DMD: variants seen among roughly 807,000 people sequenced by gnomAD.
DMD encodes dystrophin.
A neutral mutation model predicts 330.1 loss-of-function variants in DMD; 63 were observed. The ratio of observed to expected loss-of-function variants is 0.19; its 90% CI spans 0.16 to 0.24. The LOEUF (loss-of-function observed/expected upper bound fraction) is 0.24. DMD is among the 10% of genes least tolerant of loss of function. The pLI is 1.00. For missense variants in DMD, 3,344 were observed against 2,684.1 expected (o/e 1.25, Z -5.43); for synonymous variants, 1,223 against 959.8 (o/e 1.27, Z -5.07).
chrX:32,118,100 A>G (rs2096618689), intron 44 of DMD, among the ~76,000 whole-genome samples: 2 of 111,781 alleles, frequency 1.8e-5, no homozygotes, highest in Non-Finnish European at 3.8e-5. Flanking sequence ...CCTACATTCA[A>G]AGGTTTCCAA....
At position 31,530,648 on chromosome X, in the gene DMD, T is replaced by C. The variant is rs6631329; in HGVS notation, c.8218-23195A>G. Among the ~76,000 whole-genome samples, 97 of 52,263 alleles carry C rather than the reference T, an allele frequency of 1.9e-3. No individual in the cohort carries two copies. In the East Asian group the frequency reaches 0.04, roughly 22 times the overall value. The allele number at this position is 52,263 out of a possible 115,157, so 45.4% of individuals were successfully genotyped here. ...CTAGATAATAGAGCACTGGTTTCTC[T>C]TTTTTTTTTTTTTTTTTTTTTAATT... On this transcript the variant is annotated intron_variant, in intron 55 of 78. Coordinates refer to ENST00000357033, the MANE Select transcript of DMD (RefSeq NM_004006.3).
intron 3 of DMD, among the ~76,000 whole-genome samples, chrX:32,847,043 AC>A (rs1279561396): frequency 9.0e-6 from 1 of 111,014 alleles, no homozygotes; most frequent in African/African-American, 3.3e-5. Flanking sequence ...ACAGCAAATA[AC>A]CAATCTTCTT....
chrX:31,758,819 T>A (rs2089341513), intron 51 of DMD, among the ~76,000 whole-genome samples: 1 of 112,052 alleles, frequency 8.9e-6, no homozygotes, highest in Non-Finnish European at 1.9e-5. Flanking sequence ...AATACTACTA[T>A]GATTTCAGCG....
chrX:33,242,581 A>C (rs780954721), intron 1 of DMD, among the ~76,000 whole-genome samples: 1 of 111,758 alleles, frequency 8.9e-6, no homozygotes, highest in South Asian at 3.7e-4. Context: ...TTTACATATA[A>C]TAACTTATTT....
rs765188891 is a variant in DMD at position 32,595,779 on chromosome X, G to A, written c.1580C>T (p.Ala527Val). Residue 527 changes from alanine to valine, a missense_variant, in exon 13 of 79, where the codon GCT (alanine) becomes GTT (valine). Transcript: ENST00000357033. Reference sequence around the variant, plus strand: ...GACCTTAAGTTGTTCTTCCAAAGCAGCAGTTGCGTGATCTCCACTAGATTC... The same window carrying A: ...GACCTTAAGTTGTTCTTCCAAAGCAACAGTTGCGTGATCTCCACTAGATTC... ...VDESSGDHAT[A>V]ALEEQLKVLG... 1.7e-6 allele frequency: 2 copies of A among 1,210,420 alleles called. No individual in the cohort carries two copies. Among genetic ancestry groups the A allele is most frequent in the African/African-American group, 1.7e-5 (1 of 57,761 alleles).
At chrX:32,162,258 A>T (rs1023327675) in intron 44 of DMD, among the ~76,000 whole-genome samples, 6 of 111,305 alleles carry the variant, frequency 5.4e-5, no homozygotes, top group African/African-American at 2.0e-4. Context: ...GCTCAGGGTG[A>T]AGTCTTGTAT....
intron 62 of DMD, among the ~76,000 whole-genome samples, chrX:31,306,763 C>CT (rs1234438178): frequency 1.2e-4 from 13 of 111,309 alleles, no homozygotes; most frequent in Non-Finnish European, 3.8e-5. Flanking sequence ...ACCTCAAGTA[C>CT]TTTTTTTCTT....
At chrX:32,881,677 T>C (rs191679315) in intron 2 of DMD, among the ~76,000 whole-genome samples, 37 of 112,581 alleles carry the variant, frequency 3.3e-4, no homozygotes, top group African/African-American at 1.1e-3. Context: ...TTTGTTGCCT[T>C]AAGTATTGCT....
intron 48 of DMD, among the ~76,000 whole-genome samples, chrX:31,860,480 C>T (rs1443580018): frequency 9.0e-6 from 1 of 111,221 alleles, no homozygotes; most frequent in Non-Finnish European, 1.9e-5. Flanking sequence ...AACTGGTGTC[C>T]AAGATGGGTA....
intron 1 of DMD, among the ~76,000 whole-genome samples, chrX:33,121,231 CTT>C (rs1246677116): frequency 3.2e-5 from 3 of 94,986 alleles, no homozygotes. Flanking sequence ...ATTTATCATT[CTT>C]TTTTTTTTTT....
intron 27 of DMD, among the ~76,000 whole-genome samples, chrX:32,441,985 A>G (rs889771111): frequency 9.0e-6 from 1 of 110,831 alleles, no homozygotes; most frequent in Non-Finnish European, 1.9e-5. Context: ...CCACTAATTC[A>G]AAGGTTTGAT....
intron 62 of DMD, among the ~76,000 whole-genome samples, chrX:31,308,509 G>A (rs1000980265): frequency 1.8e-5 from 2 of 111,421 alleles, no homozygotes; most frequent in Non-Finnish European, 3.8e-5. Flanking sequence ...CACCAGTGGG[G>A]CTATCTAGAA....
intron 5 of DMD, among the ~76,000 whole-genome samples, chrX:32,817,515 A>C (rs1383897949): frequency 8.9e-6 from 1 of 112,158 alleles, no homozygotes; most frequent in East Asian, 2.8e-4. Flanking sequence ...AAAACTGTCT[A>C]CATCTTTTAT....
intron 48 of DMD, among the ~76,000 whole-genome samples, chrX:31,839,280 T>A (rs2093267703): frequency 8.9e-6 from 1 of 112,026 alleles, no homozygotes; most frequent in Non-Finnish European, 1.9e-5. Flanking sequence ...AATTATCCTC[T>A]ATGAGAGTAA....
chrX:32,684,004 CACACACACATACAT>C (rs1162046371), intron 9 of DMD, among the ~76,000 whole-genome samples: 142 of 81,346 alleles, frequency 1.7e-3, no homozygotes, highest in African/African-American at 0.011. Context: ...AAAACACACA[CACACACACATACAT>C]ACACACACAC....
intron 55 of DMD, among the ~76,000 whole-genome samples, chrX:31,595,205 T>C (rs2077056677): frequency 9.0e-6 from 1 of 111,541 alleles, no homozygotes; most frequent in Non-Finnish European, 1.9e-5. Flanking sequence ...GAATTCCATA[T>C]GGAAGAAAGT....
At chrX:32,575,748 T>G (rs2052970796) in intron 13 of DMD, among the ~76,000 whole-genome samples, 1 of 111,874 alleles carries the variant, frequency 8.9e-6, no homozygotes, top group South Asian at 3.8e-4. Flanking sequence ...CTACACCATC[T>G]ACCTGACGTG....
At chrX:31,453,098 T>C (rs985816757) in intron 59 of DMD, among the ~76,000 whole-genome samples, 6 of 111,499 alleles carry the variant, frequency 5.4e-5, no homozygotes, top group Non-Finnish European at 7.5e-5. Context: ...AGACAGGAAA[T>C]AGAATGGTGG....
intron 76 of DMD, among the ~76,000 whole-genome samples, chrX:31,139,279 G>A (rs1030146441): frequency 4.5e-5 from 5 of 111,568 alleles, no homozygotes; most frequent in Non-Finnish European, 9.4e-5. Flanking sequence ...GAACTAAAAT[G>A]TAGAACTACC....
Sources: gnomAD v4.1 joint callset for allele counts (sites outside exome capture counted in the v4.1 genomes callset) on GRCh38, gnomAD v4.1.1 for gene constraint, MANE v1.5 for transcripts, NCBI Gene and HGNC (gene_info 2026-07-23, HGNC 2026-07-21) for gene names.